Variants in PRPF3 observed in about 807,000 individuals in gnomAD.
PRPF3 encodes U4/U6 small nuclear ribonucleoprotein Prp3.
PRPF3 carries 3 observed loss-of-function variants against 89.2 expected under a neutral mutation model. The ratio of observed to expected loss-of-function variants is 0.03; its 90% CI spans 0.02 to 0.09. The LOEUF is 0.09. Among genes scored for constraint, PRPF3 ranks in the 10% least tolerant of loss-of-function variants. The pLI is 1.00. For synonymous variants in PRPF3, 270 were observed against 289.1 expected (o/e 0.93, Z 0.67); for missense variants, 463 against 828.8 (o/e 0.56, Z 5.42).
At chr1:150,329,304 C>T (rs1000073723) in intron 4 of PRPF3, among the ~76,000 whole-genome samples, 1 of 152,114 alleles carries the variant, frequency 6.6e-6, no homozygotes, top group Non-Finnish European at 1.5e-5. Flanking sequence ...GCTGGGATTA[C>T]AGGTGTGAGC....
At chr1:150,332,613 G>T (rs1470714804) in intron 4 of PRPF3, 71 bp from the exon 5 acceptor site, 1 of 1,474,772 alleles carries the variant, frequency 6.8e-7, no homozygotes, top group Non-Finnish European at 9.5e-7. Context: ...AGCCTTGTGG[G>T]TTTAAAAACC....
rs189302002 is a variant in PRPF3, at chr1:150,352,946, G to A, written c.2019G>A (p.Ala673=). The change falls in exon 16 of 16, where the codon GCG becomes GCA. Residue 673 remains alanine, a synonymous_variant. Transcript: ENST00000324862. ...GGGCTGAACACTACTGGGACCTTGC[G>A]CTGAGTGAATCTGTGTTAGAGTCCA... ...KHGAEHYWDL[A]LSESVLESTD is the part of the protein sequence containing the mutation. 1.5e-4 allele frequency: 245 copies of A among 1,614,100 alleles called. 3 individuals are homozygous for A. In the East Asian group the frequency reaches 4.4e-3, roughly 29 times the overall value.
At chr1:150,333,654 C>T (rs1260407) in intron 6 of PRPF3, among the ~76,000 whole-genome samples, 69,575 of 151,986 alleles carry the variant, frequency 0.46, 16,805 homozygotes, top group East Asian at 0.76. Context: ...GATTGATTAA[C>T]CAGTTGAATT....
At chr1:150,334,794 C>T in intron 6 of PRPF3, 141 bp from the exon 7 acceptor site, 1 of 992,998 alleles carries the variant, frequency 1.0e-6, no homozygotes, top group Non-Finnish European at 1.5e-6. Context: ...GTCTTTAACT[C>T]CTGGGCTCAA....
chr1:150,328,219 C>T, intron 3 of PRPF3, 101 bp from the exon 4 acceptor site: 2 of 1,433,000 alleles, frequency 1.4e-6, no homozygotes, highest in Admixed American at 1.7e-5. Flanking sequence ...GTGTCATATT[C>T]CCCTGGGAAT....
chr1:150,325,668 C>T (rs879968712), intron 2 of PRPF3, 83 bp from the exon 3 acceptor site: 2 of 1,537,458 alleles, frequency 1.3e-6, no homozygotes, highest in Non-Finnish European at 1.8e-6. Context: ...AATAAAATTC[C>T]AGTGTTGGTA....
At chr1:150,344,766 T>A (rs1658114190) in intron 12 of PRPF3, among the ~76,000 whole-genome samples, 1 of 151,186 alleles carries the variant, frequency 6.6e-6, no homozygotes, top group Non-Finnish European at 1.5e-5. Context: ...AAGTCTTCTT[T>A]TTTTTTTTAC....
At chr1:150,332,382 T>A (rs587658442) in intron 4 of PRPF3, among the ~76,000 whole-genome samples, 2 of 152,178 alleles carry the variant, frequency 1.3e-5, no homozygotes. Context: ...TTATCCAAGA[T>A]AACAAAGGCA....
chr1:150,339,382 A>AC (rs1177298341), intron 8 of PRPF3, among the ~76,000 whole-genome samples: 2 of 151,922 alleles, frequency 1.3e-5, no homozygotes, highest in African/African-American at 2.4e-5. Flanking sequence ...GTCTCAAAAA[A>AC]AAAAAGGATA....
In PRPF3 at chr1:150,342,860, G is replaced by A. The variant is rs151299951; in HGVS notation, c.1283-449G>A. On this transcript the variant is annotated intron_variant, in intron 9 of 15. Coordinates refer to ENST00000324862, the MANE Select transcript of PRPF3 (RefSeq NM_004698.4). ...ACATAAAATGTTTATAATAGAGTTG[G>A]GTCTCACTTGGTTGTCCAGGCTGGT... Among the ~76,000 whole-genome samples the A allele has an allele frequency of 4.7e-3, 716 of 152,120 alleles. 3 individuals carry two copies. The highest frequency in any genetic ancestry group is 6.8e-3 in the Non-Finnish European group (460 of 68,002).
intron 3 of PRPF3, among the ~76,000 whole-genome samples, chr1:150,326,375 A>G (rs1159993095): frequency 2.0e-5 from 3 of 152,322 alleles, no homozygotes; most frequent in African/African-American, 7.2e-5. Context: ...CATTTGCTCT[A>G]TGGCATATTG....
intron 4 of PRPF3, among the ~76,000 whole-genome samples, chr1:150,330,955 G>C (rs1466225990): frequency 6.6e-6 from 1 of 151,944 alleles, no homozygotes; most frequent in Non-Finnish European, 1.5e-5. Context: ...CTGACCTCGT[G>C]ATCCGCCCGG....
intron 9 of PRPF3, 73 bp downstream of exon 9, chr1:150,340,550 G>A (rs1657582437): frequency 8.6e-7 from 1 of 1,165,032 alleles, no homozygotes; most frequent in African/African-American, 1.5e-5. Flanking sequence ...TGAGGAACAT[G>A]TTCTGTATCT....
intron 1 of PRPF3, among the ~76,000 whole-genome samples, chr1:150,323,122 G>T (rs931191135): frequency 7.1e-6 from 1 of 140,746 alleles, no homozygotes; most frequent in Non-Finnish European, 1.5e-5. Context: ...TAATCCACCC[G>T]CCTTGGCCTC....
chr1:150,333,008 A>C lies in PRPF3; in HGVS notation c.537A>C (p.Glu179Asp). 1 of 1,613,884 alleles carries C rather than the reference A, an allele frequency of 6.2e-7. No homozygotes were observed. The highest frequency in any genetic ancestry group is 1.3e-5 in the African/African-American group (1 of 75,032). The stretch of plus-strand genomic sequence containing the variant: ...AGACTCCTTCTTCCTCCCAACCAGA[A>C]CGACTTCCTATTGGCAACACTATTC... ...QPKTPSSSQPERLPIGNTIQP... is the reference protein window; with the variant it reads ...QPKTPSSSQPDRLPIGNTIQP... The change falls in exon 6 of 16, where the codon GAA (glutamate) becomes GAC (aspartate). Residue 179 changes from glutamate to aspartate, a missense_variant. By Grantham distance (45) the Glu-to-Asp change is conservative. Around this residue, in one of 8 missense-constraint regions of PRPF3, gnomAD observed 38 missense variants for 48.3 expected, o/e 0.79. Transcript: ENST00000324862.
chr1:150,352,656 C>T (rs1659061154), intron 15 of PRPF3, among the ~76,000 whole-genome samples, 177 bp from the exon 16 acceptor site: 1 of 147,330 alleles, frequency 6.8e-6, no homozygotes, highest in Non-Finnish European at 1.5e-5. Flanking sequence ...CAGAGCGAGA[C>T]TCTGTCTCAG....
intron 15 of PRPF3, among the ~76,000 whole-genome samples, chr1:150,351,980 C>G (rs1658974682): frequency 6.6e-6 from 1 of 152,148 alleles, no homozygotes; most frequent in African/African-American, 2.4e-5. Context: ...CTGCTCCAGC[C>G]TCCTTATTGG....
rs1356554140 is a variant in PRPF3, at chr1:150,339,153, G to A, written c.1202+827G>A. On this transcript the variant is annotated intron_variant, in intron 8 of 15. Coordinates refer to ENST00000324862, the MANE Select transcript of PRPF3 (RefSeq NM_004698.4). ...GGCTGAGGGCTGAAGGATTGCTTGAGCCCAGGAGTTAAAGACCAGCTTGGG... is the reference window on the plus strand; with the variant it reads ...GGCTGAGGGCTGAAGGATTGCTTGAACCCAGGAGTTAAAGACCAGCTTGGG... 2.0e-5 allele frequency among the ~76,000 whole-genome samples: 3 copies of A among 151,030 alleles called. No homozygotes were observed. The Admixed American group carries it at 2.0e-4, about 10-fold the overall frequency.
At position 150,322,440 on chromosome 1, in the gene PRPF3, C is replaced by T. The variant is rs587689687; in HGVS notation, c.-49+848C>T. Among the ~76,000 whole-genome samples the T allele has an allele frequency of 2.8e-4, 43 of 152,284 alleles. 1 individual carries two copies. In the South Asian group the frequency reaches 8.7e-3, roughly 31 times the overall value. On this transcript the variant is annotated intron_variant, in intron 1 of 15. Transcript: ENST00000324862. ...TTGTAAATGGTGGGGCTCAGTGTCC[C>T]AACTGTTTCTGTGTGAACTCTTGTT...
Sources: gnomAD v4.1 joint callset for allele counts (sites outside exome capture counted in the v4.1 genomes callset) on GRCh38, gnomAD v4.1.1 for gene constraint, gnomAD v4.1.1 regional missense constraint, MANE v1.5 for transcripts, NCBI Gene and HGNC (gene_info 2026-07-23, HGNC 2026-07-21) for gene names.